Variants in GALNT13 observed in about 807,000 individuals in gnomAD.
The protein encoded by GALNT13 is UDP-GalNAc:polypeptide N-acetylgalactosaminyltransferase 13.
Under a neutral mutation model 64.2 loss-of-function variants are expected in GALNT13, and 28 were observed. The observed-to-expected ratio is 0.44, with a 90% CI of 0.32 to 0.60. The LOEUF (loss-of-function observed/expected upper bound fraction) is 0.60, where lower values mean the gene tolerates loss of function less well. Among genes scored for constraint, GALNT13 ranks in the 20% least tolerant of loss-of-function variants. GALNT13 has a pLI of 0.05. For synonymous variants in GALNT13, 214 were observed against 224.6 expected, an observed-to-expected ratio of 0.95 and a Z score of 0.42; for missense variants, 577 against 669.8, an observed-to-expected ratio of 0.86 and a Z score of 1.53.
chr2:154,146,136 G>GTATA (rs145289172), intron 4 of GALNT13, among the ~76,000 whole-genome samples: 32 of 148,306 alleles, frequency 2.2e-4, no homozygotes, highest in East Asian at 1.2e-3. Flanking sequence ...GTGTGTGTGT[G>GTATA]TATATATATA....
At chr2:153,367,258 A>T in the GALNT13 span, among the ~76,000 whole-genome samples, 1 of 152,152 alleles carries the variant, frequency 6.6e-6, no homozygotes, top group Non-Finnish European at 1.5e-5. Flanking sequence ...AAAGGGTCTG[A>T]TATCAGTATC....
intron 8 of GALNT13, among the ~76,000 whole-genome samples, chr2:154,273,388 C>T (rs771603508): frequency 6.6e-5 from 10 of 152,062 alleles, no homozygotes; most frequent in Non-Finnish European, 1.3e-4. Context: ...CTCAGTTCTC[C>T]TGTTCCAAGT....
At chr2:154,144,110 A>G (rs747374689) in intron 4 of GALNT13, among the ~76,000 whole-genome samples, 1 of 152,030 alleles carries the variant, frequency 6.6e-6, no homozygotes, top group Non-Finnish European at 1.5e-5. Flanking sequence ...TAATGAAAAA[A>G]CTTTTCATTT....
intron 3 of GALNT13, among the ~76,000 whole-genome samples, chr2:154,097,906 G>A (rs752202757): frequency 6.6e-6 from 1 of 151,896 alleles, no homozygotes; most frequent in Non-Finnish European, 1.5e-5. Context: ...AAATAGGAAG[G>A]TAACCTAAGG....
the GALNT13 span, among the ~76,000 whole-genome samples, chr2:153,293,888 C>T: frequency 6.6e-6 from 1 of 152,004 alleles, no homozygotes; most frequent in Non-Finnish European, 1.5e-5. Flanking sequence ...ACTTCCACAG[C>T]TCAAGTGATC....
chr2:153,272,622 G>A, the GALNT13 span, among the ~76,000 whole-genome samples: 1 of 152,154 alleles, frequency 6.6e-6, no homozygotes. Context: ...AACAGATGCT[G>A]GAGAGGATGT....
intron 3 of GALNT13, among the ~76,000 whole-genome samples, chr2:154,135,809 CAT>C (rs1311502404): frequency 6.6e-6 from 1 of 152,052 alleles, no homozygotes; most frequent in Non-Finnish European, 1.5e-5. Context: ...GTCTAGGTGA[CAT>C]AGAGAAAACC....
intron 2 of GALNT13, among the ~76,000 whole-genome samples, chr2:153,917,308 G>A (rs7556715): frequency 0.71 from 108,283 of 152,004 alleles, 38,868 homozygotes; most frequent in East Asian, 0.9. Context: ...GGGTTTTTAC[G>A]TAGTTATATG....
intron 3 of GALNT13, among the ~76,000 whole-genome samples, chr2:154,108,520 A>C (rs915794864): frequency 6.6e-6 from 1 of 152,096 alleles, no homozygotes; most frequent in East Asian, 1.9e-4. Context: ...TGTGCCTTGC[A>C]CAAATTAACA....
chr2:154,167,076 T>C (rs374278887), intron 4 of GALNT13, among the ~76,000 whole-genome samples: 3 of 151,930 alleles, frequency 2.0e-5, no homozygotes, highest in East Asian at 3.9e-4. Flanking sequence ...TGTATACATA[T>C]GTAACAAACC....
At chr2:154,296,222 A>C (rs2105971832) in intron 8 of GALNT13, among the ~76,000 whole-genome samples, 1 of 152,246 alleles carries the variant, frequency 6.6e-6, no homozygotes, top group Middle Eastern at 3.4e-3. Context: ...TGGACCTATC[A>C]ATTCTGCTGG....
chr2:154,171,197 A>G (rs1685326710), intron 4 of GALNT13, among the ~76,000 whole-genome samples: 2 of 152,016 alleles, frequency 1.3e-5, no homozygotes, highest in South Asian at 4.1e-4. Context: ...AGTCTTCCAA[A>G]CTCCTCAAAG....
At chr2:153,925,485 A>T (rs1193615545) in intron 2 of GALNT13, among the ~76,000 whole-genome samples, 1 of 142,328 alleles carries the variant, frequency 7.0e-6, no homozygotes, top group Non-Finnish European at 1.5e-5. Flanking sequence ...ATCAGGTAGC[A>T]TGAAGCCTCG....
the GALNT13 span, among the ~76,000 whole-genome samples, chr2:153,674,710 T>G: frequency 6.6e-6 from 1 of 152,018 alleles, no homozygotes. Flanking sequence ...AGGATCTAAT[T>G]AAACTAAAGA....
intron 4 of GALNT13, among the ~76,000 whole-genome samples, chr2:154,194,988 G>T (rs1016754853): frequency 2.6e-5 from 4 of 151,142 alleles, no homozygotes; most frequent in African/African-American, 9.7e-5. Context: ...TAAGCCCCAC[G>T]TGCATTAGGT....
intron 3 of GALNT13, among the ~76,000 whole-genome samples, chr2:154,003,099 C>T (rs1222032225): frequency 2.0e-5 from 3 of 152,100 alleles, no homozygotes; most frequent in Non-Finnish European, 4.4e-5. Context: ...ACCAAGATAC[C>T]AGGCAGCATT....
the GALNT13 span, among the ~76,000 whole-genome samples, chr2:153,562,250 G>A: frequency 3.0e-4 from 46 of 152,032 alleles, no homozygotes; most frequent in African/African-American, 1.1e-3. Flanking sequence ...TTTCCTAATA[G>A]TTACTTTAAG....
chr2:153,702,817 G>A, the GALNT13 span, among the ~76,000 whole-genome samples: 1 of 152,122 alleles, frequency 6.6e-6, no homozygotes, highest in Non-Finnish European at 1.5e-5. Context: ...ACTAAGATCT[G>A]TAGTAAGGAG....
At chr2:153,435,025 T>C in the GALNT13 span, among the ~76,000 whole-genome samples, 2 of 152,228 alleles carry the variant, frequency 1.3e-5, no homozygotes, top group Admixed American at 1.3e-4. Flanking sequence ...AAGGAAGGGA[T>C]CCAGTTTCAG....
Sources: gnomAD v4.1 joint callset for allele counts (sites outside exome capture counted in the v4.1 genomes callset) on GRCh38, gnomAD v4.1.1 for gene constraint, MANE v1.5 for transcripts, NCBI Gene and HGNC (gene_info 2026-07-23, HGNC 2026-07-21) for gene names.